The following ANO3 variants were observed in gnomAD, a reference collection of about 807,000 sequenced individuals.
ANO3 encodes anoctamin 3, also known as anoctamin-3.
A neutral mutation model predicts 144.8 loss-of-function variants in ANO3; 99 were observed. The observed-to-expected ratio is 0.68, with a 90% CI of 0.58 to 0.81. ANO3 has a LOEUF of 0.81. Ranked by LOEUF, ANO3 falls within the 30% of genes least tolerant of loss-of-function variation. The pLI, the probability that ANO3 is intolerant of heterozygous loss-of-function variation, is 0.00. For missense variants in ANO3, 905 were observed against 1,202.2 expected (o/e 0.75, Z 3.66); for synonymous variants, 414 against 392.6 (o/e 1.05, Z -0.64).
intron 12 of ANO3, 66 bp from the exon 13 acceptor site, chr11:26,553,183 A>C: frequency 9.4e-6 from 11 of 1,164,496 alleles, no homozygotes; most frequent in Non-Finnish European, 1.1e-5. Context: ...TGTAGGGGCT[A>C]AGTGAATTCT....
intron 1 of ANO3, among the ~76,000 whole-genome samples, chr11:26,346,886 C>G (rs1363536621): frequency 6.6e-6 from 1 of 152,112 alleles, no homozygotes; most frequent in Non-Finnish European, 1.5e-5. Flanking sequence ...AAAAAAAGTG[C>G]TCTAGTGGTC....
At chr11:26,235,507 T>C (rs1003008429) in intron 1 of ANO3, among the ~76,000 whole-genome samples, 2 of 152,092 alleles carry the variant, frequency 1.3e-5, no homozygotes, top group Non-Finnish European at 2.9e-5. Flanking sequence ...TATTTATATG[T>C]TTACTTATTT....
At position 26,534,471 on chromosome 11, in the gene ANO3, T is replaced by C; in HGVS notation, c.885T>C (p.Asn295=). The C allele has an allele frequency of 6.2e-7, 1 of 1,611,618 alleles. No homozygotes were observed. Among genetic ancestry groups the C allele is most frequent in the South Asian group, 1.1e-5 (1 of 90,894 alleles). The change falls in exon 9 of 27, where the codon AAT becomes AAC. Residue 295 remains asparagine (N), a synonymous_variant. Coordinates refer to ENST00000256737, the MANE Select transcript of ANO3 (RefSeq NM_031418.4). Reference sequence around the variant, plus strand: ...ATCTTAACAGCTTCATAATAAATAATAAAGACACCTTCTTCAGCAATGCTA... The same window carrying C: ...ATCTTAACAGCTTCATAATAAATAACAAAGACACCTTCTTCAGCAATGCTA... ...RARIHHFIIN[N]KDTFFSNATR...
At chr11:26,526,396 C>T (rs937463923) in intron 7 of ANO3, among the ~76,000 whole-genome samples, 3 of 152,044 alleles carry the variant, frequency 2.0e-5, no homozygotes, top group Non-Finnish European at 2.9e-5. Context: ...TACCCTTGGC[C>T]GTTTTCTGCA....
In ANO3 at chr11:26,641,877, G is replaced by A; in HGVS notation, c.2142-19G>A. The A allele has an allele frequency of 6.2e-7, 1 of 1,612,094 alleles. No homozygotes were observed. The highest frequency in any genetic ancestry group is 8.5e-7 in the Non-Finnish European group (1 of 1,179,094). ...CTTGAATCAGAGCTCAAAAGTCCTT[G>A]GTCTGCTCTGTGATGTAGGTTGATC... On this transcript the variant is annotated intron_variant, in intron 21 of 26. Coordinates refer to ENST00000256737, the MANE Select transcript of ANO3 (RefSeq NM_031418.4).
intron 1 of ANO3, among the ~76,000 whole-genome samples, chr11:26,397,534 C>T (rs1296463167): frequency 6.6e-6 from 1 of 151,974 alleles, no homozygotes; most frequent in African/African-American, 2.4e-5. Flanking sequence ...AAGAATGTCA[C>T]AATATTTTGT....
chr11:26,581,667 C>T (rs369998417), intron 14 of ANO3, among the ~76,000 whole-genome samples: 40 of 117,864 alleles, frequency 3.4e-4, no homozygotes, highest in South Asian at 5.5e-4. Flanking sequence ...CCACCTTGGG[C>T]GACACAGCAA....
intron 24 of ANO3, among the ~76,000 whole-genome samples, chr11:26,650,376 C>A (rs1450413280): frequency 6.6e-6 from 1 of 152,092 alleles, no homozygotes; most frequent in Non-Finnish European, 1.5e-5. Flanking sequence ...CAGATAGATG[C>A]GTGTTTGAAT....
intron 1 of ANO3, among the ~76,000 whole-genome samples, chr11:26,360,600 C>G (rs1297112356): frequency 1.3e-5 from 2 of 152,048 alleles, no homozygotes; most frequent in African/African-American, 2.4e-5. Flanking sequence ...AGACAGAATG[C>G]CTGTCTACTT....
At chr11:26,607,607 G>A (rs572072280) in intron 17 of ANO3, among the ~76,000 whole-genome samples, 6 of 152,162 alleles carry the variant, frequency 3.9e-5, no homozygotes, top group Non-Finnish European at 7.4e-5. Flanking sequence ...TGCCAGTGGG[G>A]TGTTAAGGCC....
chr11:26,384,102 A>G (rs1356751048), intron 1 of ANO3, among the ~76,000 whole-genome samples: 1 of 151,504 alleles, frequency 6.6e-6, no homozygotes, highest in African/African-American at 2.4e-5. Flanking sequence ...AATGTTCACC[A>G]CGTTGGTCAG....
In ANO3 at chr11:26,504,745, C is replaced by T. The variant is rs573654023; in HGVS notation, c.433-3359C>T. 1.2e-3 allele frequency among the ~76,000 whole-genome samples: 179 copies of T among 151,448 alleles called. 1 individual carries two copies. Among genetic ancestry groups the T allele is most frequent in the African/African-American group, 3.9e-3 (162 of 41,302 alleles). Reference sequence around the variant, plus strand: ...TAGAAGAGAAAAGGTAGAAGCCCGCCGGGCGCGGTGGCTCACGCCTGTAAT... The same window carrying T: ...TAGAAGAGAAAAGGTAGAAGCCCGCTGGGCGCGGTGGCTCACGCCTGTAAT... On this transcript the variant is annotated intron_variant, in intron 4 of 26. Transcript: ENST00000256737.
At chr11:26,612,058 G>A (rs1296250213) in intron 17 of ANO3, among the ~76,000 whole-genome samples, 3 of 151,926 alleles carry the variant, frequency 2.0e-5, no homozygotes, top group East Asian at 3.9e-4. Context: ...AATCCATTTG[G>A]CTACTCAGTA....
chr11:26,283,506 C>T (rs1014880548), intron 1 of ANO3, among the ~76,000 whole-genome samples: 1 of 151,456 alleles, frequency 6.6e-6, no homozygotes, highest in Non-Finnish European at 1.5e-5. Flanking sequence ...AAACATTCAA[C>T]AATCAGTACA....
At chr11:26,282,728 T>A (rs1301613265) in intron 1 of ANO3, among the ~76,000 whole-genome samples, 1 of 152,186 alleles carries the variant, frequency 6.6e-6, no homozygotes, top group Non-Finnish European at 1.5e-5. Flanking sequence ...TTACCAAGCA[T>A]CAGGGAAGAT....
At chr11:26,573,048 T>G (rs1850887991) in intron 14 of ANO3, among the ~76,000 whole-genome samples, 1 of 152,158 alleles carries the variant, frequency 6.6e-6, no homozygotes, top group Admixed American at 6.6e-5. Context: ...ACTGGGATCT[T>G]CCGCACATCA....
At chr11:26,290,863 G>A (rs929567355) in intron 1 of ANO3, among the ~76,000 whole-genome samples, 1 of 152,180 alleles carries the variant, frequency 6.6e-6, no homozygotes, top group South Asian at 2.1e-4. Context: ...GTGCAATGTG[G>A]TGCTGAGAAG....
intron 1 of ANO3, among the ~76,000 whole-genome samples, chr11:26,314,966 A>G (rs1480117881): frequency 6.6e-6 from 1 of 152,146 alleles, no homozygotes. Context: ...TTGCATAGTT[A>G]TGTGTAGTTG....
intron 14 of ANO3, among the ~76,000 whole-genome samples, chr11:26,579,725 CT>C (rs369101466): frequency 0.013 from 1,925 of 152,042 alleles, 35 homozygotes; most frequent in African/African-American, 0.044. Flanking sequence ...TCACGTGGAT[CT>C]TTTTTTTCAT....
Sources: allele counts gnomAD v4.1 joint callset (sites outside exome capture counted in the v4.1 genomes callset), GRCh38; gene constraint gnomAD v4.1.1; transcripts MANE v1.5; gene names NCBI Gene and HGNC (gene_info 2026-07-23, HGNC 2026-07-21).